MYO1D: variants seen among roughly 807,000 people sequenced by gnomAD.
MYO1D encodes the protein unconventional myosin-Id.
In MYO1D, 83 loss-of-function variants were observed where a neutral mutation model predicts 122.0. The observed-to-expected ratio is 0.68, with a 90% CI of 0.57 to 0.82. MYO1D has a LOEUF of 0.82. Among genes scored for constraint, MYO1D ranks in the 40% least tolerant of loss-of-function variants. The pLI is 0.00. For missense variants in MYO1D, 1,157 were observed against 1,269.5 expected (o/e 0.91, Z 1.35); for synonymous variants, 464 against 446.9 (o/e 1.04, Z -0.48).
intron 1 of MYO1D, among the ~76,000 whole-genome samples, chr17:32,875,172 T>G (rs2091217565): frequency 6.6e-6 from 1 of 152,246 alleles, no homozygotes; most frequent in Non-Finnish European, 1.5e-5. Context: ...TCTGAAAAAC[T>G]GAAATGATTA....
intron 1 of MYO1D, among the ~76,000 whole-genome samples, chr17:32,868,832 C>T (rs140047734): frequency 7.4e-4 from 112 of 152,282 alleles, no homozygotes; most frequent in African/African-American, 2.6e-3. Context: ...TGTGCTCTTT[C>T]CATGATTCCC....
chr17:32,613,789 CAAAAAAA>C (rs60701225), intron 20 of MYO1D, among the ~76,000 whole-genome samples: 15 of 51,044 alleles, frequency 2.9e-4, no homozygotes, highest in African/African-American at 9.7e-4. Flanking sequence ...GATTCCATCT[CAAAAAAA>C]AAAAAAAAAA....
At chr17:32,706,794 T>A (rs936737797) in intron 16 of MYO1D, among the ~76,000 whole-genome samples, 1 of 152,100 alleles carries the variant, frequency 6.6e-6, no homozygotes, top group Admixed American at 6.5e-5. Flanking sequence ...CCTCCCGGGT[T>A]CACGCCATTC....
chr17:32,687,219 C>T (rs1279268237), intron 16 of MYO1D, among the ~76,000 whole-genome samples: 8 of 127,998 alleles, frequency 6.3e-5, no homozygotes, highest in Non-Finnish European at 1.3e-4. Context: ...TTTTCTGAGA[C>T]AGAGTCTCAC....
chr17:32,695,877 C>T (rs1598016676), intron 16 of MYO1D, among the ~76,000 whole-genome samples: 1 of 152,134 alleles, frequency 6.6e-6, no homozygotes, highest in Non-Finnish European at 1.5e-5. Flanking sequence ...GGGGTATATA[C>T]CCAAGAGTAG....
At chr17:32,721,819 A>G (rs908520120) in intron 14 of MYO1D, among the ~76,000 whole-genome samples, 2 of 152,230 alleles carry the variant, frequency 1.3e-5, no homozygotes, top group African/African-American at 4.8e-5. Flanking sequence ...GTTTTATACT[A>G]CATATTAGAT....
At chr17:32,827,979 C>T (rs1176663114) in intron 1 of MYO1D, among the ~76,000 whole-genome samples, 1 of 152,162 alleles carries the variant, frequency 6.6e-6, no homozygotes, top group Non-Finnish European at 1.5e-5. Context: ...CAAGTCAGAA[C>T]CACACCAATG....
chr17:32,776,434 C>A (rs2090173109), intron 3 of MYO1D, among the ~76,000 whole-genome samples: 1 of 152,106 alleles, frequency 6.6e-6, no homozygotes, highest in African/African-American at 2.4e-5. Context: ...ATCAGCACAC[C>A]TTACTATGGT....
intron 16 of MYO1D, among the ~76,000 whole-genome samples, chr17:32,701,498 T>C (rs2089248244): frequency 6.6e-6 from 1 of 152,258 alleles, no homozygotes; most frequent in African/African-American, 2.4e-5. Flanking sequence ...TTGATATCTG[T>C]TGAAAAGTAA....
intron 16 of MYO1D, among the ~76,000 whole-genome samples, chr17:32,691,404 CTT>C (rs57902806): frequency 0.027 from 2,996 of 110,288 alleles, 66 homozygotes; most frequent in African/African-American, 0.099. Context: ...AAAGAAAATT[CTT>C]TTTTTTTTTT....
At chr17:32,682,558 T>C (rs1390366236) in intron 16 of MYO1D, among the ~76,000 whole-genome samples, 1 of 150,804 alleles carries the variant, frequency 6.6e-6, no homozygotes, top group Non-Finnish European at 1.5e-5. Context: ...ATTCTTTTTT[T>C]TAAGAATGTT....
intron 1 of MYO1D, among the ~76,000 whole-genome samples, chr17:32,797,116 A>G (rs2090423388): frequency 6.6e-6 from 1 of 152,026 alleles, no homozygotes; most frequent in African/African-American, 2.4e-5. Flanking sequence ...GATTACAGGC[A>G]TCTGCCACCA....
At chr17:32,622,232 C>T (rs2087862835) in intron 20 of MYO1D, among the ~76,000 whole-genome samples, 1 of 152,074 alleles carries the variant, frequency 6.6e-6, no homozygotes, top group Non-Finnish European at 1.5e-5. Context: ...AGGTCTTGAA[C>T]CCATCTCCCC....
At chr17:32,741,222 T>A (rs1424411096) in intron 13 of MYO1D, among the ~76,000 whole-genome samples, 5 of 140,270 alleles carry the variant, frequency 3.6e-5, no homozygotes, top group African/African-American at 5.6e-5. Flanking sequence ...GGATACCACT[T>A]CTAAAAAAAA....
At chr17:32,708,598 T>C (rs887299372) in intron 16 of MYO1D, among the ~76,000 whole-genome samples, 1 of 152,162 alleles carries the variant, frequency 6.6e-6, no homozygotes, top group African/African-American at 2.4e-5. Context: ...TGATGACCCA[T>C]TCCGAAAAGC....
In MYO1D at chr17:32,772,680, G is replaced by C; in HGVS notation, c.618+109C>G. 7.9e-6 allele frequency: 7 copies of C among 881,276 alleles called. No individual in the cohort carries two copies. In the Admixed American group the frequency reaches 1.3e-4, roughly 16 times the overall value. The allele number at this position is 881,276 out of a possible 1,614,324, so 54.6% of individuals were successfully genotyped here. On this transcript the variant is annotated intron_variant, in intron 5 of 21. Coordinates refer to ENST00000318217, the MANE Select transcript of MYO1D (RefSeq NM_015194.3). ...TGCGTGCATGCGTGACATGTTACGG[G>C]GCCAATGGAGATGAGTGATGCATAG...
chr17:32,824,646 G>C (rs899935869), intron 1 of MYO1D, among the ~76,000 whole-genome samples: 1 of 152,130 alleles, frequency 6.6e-6, no homozygotes, highest in African/African-American at 2.4e-5. Flanking sequence ...GAGGTCCCCC[G>C]GCTTAGTAAG....
At chr17:32,584,678 G>C (rs1459097986) in intron 21 of MYO1D, among the ~76,000 whole-genome samples, 1 of 151,844 alleles carries the variant, frequency 6.6e-6, no homozygotes, top group East Asian at 1.9e-4. Context: ...TTTTTTTGAA[G>C]AGACAAGAGT....
rs977765451 is a variant in MYO1D at position 32,605,132 on chromosome 17, C to T, written c.2819G>A (p.Ser940Asn). The change falls in exon 21 of 22, where the codon AGT (serine) becomes AAT (asparagine). Residue 940 changes from serine (S) to asparagine (N), a missense_variant. Coordinates refer to ENST00000318217, the MANE Select transcript of MYO1D (RefSeq NM_015194.3). ...CLFSKQPTHE[S>N]RIGELVGVLV... ...CACTCCAACAAGTTCTCCAATTCGACTCTCATGGGTTGGCTGTTTGCTGAA... is the reference window on the plus strand; with the variant it reads ...CACTCCAACAAGTTCTCCAATTCGATTCTCATGGGTTGGCTGTTTGCTGAA... The T allele has an allele frequency of 3.7e-6, 6 of 1,605,652 alleles. No homozygotes were observed. The highest frequency in any genetic ancestry group is 1.7e-4 in the Middle Eastern group (1 of 6,032).
Sources: gnomAD v4.1 joint callset for allele counts (sites outside exome capture counted in the v4.1 genomes callset) on GRCh38, gnomAD v4.1.1 for gene constraint, MANE v1.5 for transcripts, NCBI Gene and HGNC (gene_info 2026-07-23, HGNC 2026-07-21) for gene names.